CDH12: variants seen among roughly 807,000 people sequenced by gnomAD.
CDH12 encodes cadherin 12.
In CDH12, 41 loss-of-function variants were observed where a neutral mutation model predicts 74.1. The ratio of observed to expected loss-of-function variants is 0.55; its 90% CI spans 0.43 to 0.72. The LOEUF (loss-of-function observed/expected upper bound fraction) is 0.72. Among genes scored for constraint, CDH12 ranks in the 30% least tolerant of loss-of-function variants. The probability of loss-of-function intolerance (pLI) is 0.00; values close to 1 mark genes in which losing one functional copy is unlikely to be tolerated. For synonymous variants in CDH12, 399 were observed against 355.0 expected (o/e 1.12, Z -1.39); for missense variants, 945 against 977.2 (o/e 0.97, Z 0.44).
At chr5:22,032,905 G>A (rs561695136) in intron 5 of CDH12, among the ~76,000 whole-genome samples, 2 of 151,240 alleles carry the variant, frequency 1.3e-5, no homozygotes, top group South Asian at 4.2e-4. Context: ...AGACAGAAGA[G>A]ATACCTAGCC....
At chr5:22,523,504 TTCC>T (rs1210669258) in intron 1 of CDH12, among the ~76,000 whole-genome samples, 2 of 152,198 alleles carry the variant, frequency 1.3e-5, no homozygotes. Context: ...TAATTTTAAT[TTCC>T]TCCTCAACTT....
intron 6 of CDH12, among the ~76,000 whole-genome samples, chr5:21,900,883 C>T (rs1753354657): frequency 6.6e-6 from 1 of 152,134 alleles, no homozygotes; most frequent in Non-Finnish European, 1.5e-5. Flanking sequence ...GATGATAAAT[C>T]CTTGAGAAAA....
At chr5:22,282,845 C>A (rs536317871) in intron 3 of CDH12, among the ~76,000 whole-genome samples, 11 of 151,966 alleles carry the variant, frequency 7.2e-5, no homozygotes, top group Middle Eastern at 3.4e-3. Flanking sequence ...TCCTAAAGGA[C>A]CTACAACTAG....
At chr5:22,086,355 T>A (rs1743066791) in intron 4 of CDH12, among the ~76,000 whole-genome samples, 1 of 151,856 alleles carries the variant, frequency 6.6e-6, no homozygotes, top group Non-Finnish European at 1.5e-5. Context: ...TTTTTATTAT[T>A]ATTTTTTGAG....
chr5:21,984,654 T>C (rs1757439702), intron 5 of CDH12, among the ~76,000 whole-genome samples: 1 of 152,238 alleles, frequency 6.6e-6, no homozygotes, highest in Non-Finnish European at 1.5e-5. Flanking sequence ...TTTGTTCCTC[T>C]GTTATAAATT....
chr5:21,839,005 A>G (rs1209831649), intron 8 of CDH12, among the ~76,000 whole-genome samples: 5 of 152,054 alleles, frequency 3.3e-5, no homozygotes, highest in Non-Finnish European at 7.3e-5. Flanking sequence ...TATTTCCTAC[A>G]CTCTAGATTG....
intron 3 of CDH12, among the ~76,000 whole-genome samples, chr5:22,373,642 C>T (rs1438069447): frequency 1.3e-5 from 2 of 152,204 alleles, no homozygotes; most frequent in Non-Finnish European, 1.5e-5. Flanking sequence ...CTCATAAATG[C>T]TCCCTGAGCA....
intron 11 of CDH12, among the ~76,000 whole-genome samples, chr5:21,771,923 T>C (rs1270968702): frequency 6.6e-6 from 1 of 152,214 alleles, no homozygotes; most frequent in African/African-American, 2.4e-5. Context: ...TGGTATCTTA[T>C]TGCTACAAAG....
At chr5:21,933,071 C>A (rs113053713) in intron 6 of CDH12, among the ~76,000 whole-genome samples, 264 of 151,756 alleles carry the variant, frequency 1.7e-3, no homozygotes, top group African/African-American at 6.2e-3. Context: ...TCATTAAGTA[C>A]ATTATCTCAT....
rs1246381701 is a variant in CDH12, at chr5:22,298,667, G to T, written c.-332-86024C>A. On this transcript the variant is annotated intron_variant, in intron 3 of 14. Coordinates refer to ENST00000382254, the MANE Select transcript of CDH12 (RefSeq NM_004061.5). ...TTCACTATTCTCATTCACACCACCAGTTGGTTATATTAGTGATGACAGAGA... is the reference window on the plus strand; with the variant it reads ...TTCACTATTCTCATTCACACCACCATTTGGTTATATTAGTGATGACAGAGA... 2.6e-5 allele frequency among the ~76,000 whole-genome samples: 4 copies of T among 152,058 alleles called. No homozygotes were observed. In the East Asian group the frequency reaches 7.7e-4, roughly 29 times the overall value.
chr5:22,804,571 G>GACCA (rs1748690330), intron 1 of CDH12, among the ~76,000 whole-genome samples: 1 of 152,150 alleles, frequency 6.6e-6, no homozygotes, highest in Non-Finnish European at 1.5e-5. Flanking sequence ...TGATGCCTCA[G>GACCA]CCTTGAGGTA....
chr5:22,820,947 A>G (rs531374330), intron 1 of CDH12, among the ~76,000 whole-genome samples: 9 of 152,288 alleles, frequency 5.9e-5, no homozygotes, highest in African/African-American at 2.2e-4. Flanking sequence ...AGAATTTTAG[A>G]CCAATACCCT....
At chr5:22,425,172 A>AT (rs1554039892) in intron 2 of CDH12, among the ~76,000 whole-genome samples, 2,588 of 83,110 alleles carry the variant, frequency 0.031, 63 homozygotes, top group African/African-American at 0.055. Context: ...TATATATATA[A>AT]ATATATATAT....
intron 1 of CDH12, among the ~76,000 whole-genome samples, chr5:22,817,608 T>A (rs1455622931): frequency 2.6e-5 from 4 of 152,196 alleles, no homozygotes; most frequent in African/African-American, 9.6e-5. Flanking sequence ...CTTGGCTGAT[T>A]TATCTTTGAC....
intron 1 of CDH12, among the ~76,000 whole-genome samples, chr5:22,751,052 G>T (rs1170207563): frequency 1.3e-5 from 2 of 151,888 alleles, no homozygotes; most frequent in Non-Finnish European, 2.9e-5. Context: ...ATGACTTACT[G>T]AGGTACTGAG....
intron 7 of CDH12, among the ~76,000 whole-genome samples, chr5:21,845,484 C>T (rs1310196331): frequency 1.3e-5 from 2 of 151,940 alleles, no homozygotes; most frequent in Non-Finnish European, 2.9e-5. Context: ...ACTTCTTGTC[C>T]TCATTCTCTC....
chr5:22,229,122 T>C (rs1449671352), intron 3 of CDH12, among the ~76,000 whole-genome samples: 2 of 151,692 alleles, frequency 1.3e-5, no homozygotes, highest in Non-Finnish European at 2.9e-5. Flanking sequence ...CCCAGTAAAT[T>C]TACAAATCCT....
rs1049935177 is a variant in CDH12 at position 22,785,927 on chromosome 5, A to G, written c.-523+67131T>C. 2.4e-4 allele frequency among the ~76,000 whole-genome samples: 37 copies of G among 152,168 alleles called. 1 individual carries two copies. Among genetic ancestry groups the G allele is most frequent in the African/African-American group, 8.4e-4 (35 of 41,456 alleles). On this transcript the variant is annotated intron_variant, in intron 1 of 14. Coordinates refer to ENST00000382254, the MANE Select transcript of CDH12 (RefSeq NM_004061.5). ...GTGGCAATTCTTCAAAGATCTAAAG[A>G]CAGAAATATCATTTGACTCAGCAAT...
At chr5:22,714,072 A>G (rs1187970292) in intron 1 of CDH12, among the ~76,000 whole-genome samples, 2 of 152,152 alleles carry the variant, frequency 1.3e-5, no homozygotes, top group Non-Finnish European at 2.9e-5. Context: ...CTCACTAACA[A>G]CTTATAATTT....
Sources: allele counts gnomAD v4.1 joint callset (sites outside exome capture counted in the v4.1 genomes callset), GRCh38; gene constraint gnomAD v4.1.1; transcripts MANE v1.5; gene names NCBI Gene and HGNC (gene_info 2026-07-23, HGNC 2026-07-21).